NUP160: variants seen among roughly 807,000 people sequenced by gnomAD.
The protein encoded by NUP160 is nuclear pore complex protein Nup160.
NUP160 carries 94 observed loss-of-function variants against 196.9 expected under a neutral mutation model. The observed-to-expected ratio is 0.48, with a 90% CI of 0.40 to 0.57. The LOEUF (loss-of-function observed/expected upper bound fraction) is 0.57, where lower values mean the gene tolerates loss of function less well. NUP160 is among the 20% of genes least tolerant of loss of function. The pLI is 0.00. For synonymous variants in NUP160, 605 were observed against 619.7 expected (o/e 0.98, Z 0.35); for missense variants, 1,638 against 1,748.3 (o/e 0.94, Z 1.13).
chr11:47,799,825 C>T (rs953343259), intron 23 of NUP160, among the ~76,000 whole-genome samples: 6 of 152,138 alleles, frequency 3.9e-5, no homozygotes, highest in Admixed American at 6.6e-5. Flanking sequence ...GGATTACAGG[C>T]GTGAGCCACT....
rs1275260675 is a variant in NUP160, at chr11:47,829,119, CAT to C, written c.1101+6530_1101+6531del. The stretch of plus-strand genomic sequence containing the variant: ...ATCTGGACTTTATCAAAATTAAAAA[CAT>C]GTGCTTCATGGGACACCATCAAGAA... On this transcript the variant is annotated intron_variant, in intron 7 of 35. Coordinates refer to ENST00000378460, the Ensembl canonical transcript of NUP160. Among the ~76,000 whole-genome samples, 6 of 152,148 alleles carry C rather than the reference CAT, an allele frequency of 3.9e-5. No individual in the cohort carries two copies. The South Asian group carries it at 6.2e-4, about 16-fold the overall frequency.
Position 47,791,929 on chromosome 11 carries a change from C to CT in NUP160, c.3511dup (p.Thr1171AsnfsTer6). 6.2e-7 allele frequency: 1 copy of CT among 1,608,074 alleles called. No homozygotes were observed. Among genetic ancestry groups the CT allele is most frequent in the Non-Finnish European group, 8.5e-7 (1 of 1,175,464 alleles). On this transcript the variant is annotated frameshift_variant and splice_region_variant. Coordinates refer to ENST00000378460, the Ensembl canonical transcript of NUP160. LOFTEE classifies it high-confidence loss of function. ...GAACCAGTGTGAGACTCCTGACTCACTGGGGGCAGCTGTGCATTCTCCATC... is the reference window on the plus strand; with the variant it reads ...GAACCAGTGTGAGACTCCTGACTCACTTGGGGGCAGCTGTGCATTCTCCATC...
At chr11:47,808,552 C>A in intron 17 of NUP160, 23 bp from the exon 18 acceptor site, 1 of 1,601,514 alleles carries the variant, frequency 6.2e-7, no homozygotes, top group Non-Finnish European at 8.5e-7. Context: ...GGTAGGTGGA[C>A]CAGACAAGAA....
At chr11:47,824,047 A>G (rs1372987622) in intron 7 of NUP160, among the ~76,000 whole-genome samples, 7 of 129,992 alleles carry the variant, frequency 5.4e-5, no homozygotes, top group South Asian at 2.4e-4. Flanking sequence ...ATATATATAT[A>G]TATATACACA....
intron 24 of NUP160, 50 bp from the exon 25 acceptor site, chr11:47,798,312 A>T: frequency 6.5e-7 from 1 of 1,537,260 alleles, no homozygotes; most frequent in Non-Finnish European, 9.0e-7. Context: ...AGAAATGAAC[A>T]TACCACACCC....
Position 47,808,014 on chromosome 11 carries a change from G to A in NUP160, c.2375+382C>T, listed in dbSNP as rs114321288. 7.7e-3 allele frequency among the ~76,000 whole-genome samples: 1,180 copies of A among 152,262 alleles called. 19 individuals carry two copies. The highest frequency in any genetic ancestry group is 0.027 in the African/African-American group (1,135 of 41,542). ...AAATCTTTTTCCCGGCTGGCGTGGT[G>A]GCCCACGCCTGTAATCCCAGCACTT... On this transcript the variant is annotated intron_variant, in intron 18 of 35. Coordinates refer to ENST00000378460, the Ensembl canonical transcript of NUP160.
chr11:47,793,011 G>A (rs1333222498), intron 27 of NUP160, 65 bp from the exon 28 acceptor site: 18 of 1,447,172 alleles, frequency 1.2e-5, no homozygotes, highest in Middle Eastern at 1.8e-4. Flanking sequence ...TTTGGAGACA[G>A]AGTCTTGCTC....
intron 20 of NUP160, 115 bp from the exon 21 acceptor site, chr11:47,804,733 A>G (rs573740483): frequency 3.1e-6 from 2 of 648,848 alleles, no homozygotes; most frequent in Admixed American, 3.3e-5. Flanking sequence ...AACAAGGCAG[A>G]GAAGTTGGCC....
intron 2 of NUP160, among the ~76,000 whole-genome samples, chr11:47,846,283 T>C (rs375860773): frequency 1.2e-3 from 189 of 152,198 alleles, no homozygotes; most frequent in African/African-American, 4.4e-3. Context: ...AGCCAAAATA[T>C]TTAATTAAAT....
At chr11:47,779,665 G>A in intron 35 of NUP160, 1 of 476,518 alleles carries the variant, frequency 2.1e-6, no homozygotes, top group Non-Finnish European at 4.1e-6. Flanking sequence ...TATGACTCCT[G>A]AGAAATGTTG....
At chr11:47,840,463 G>A (rs1440350641) in exon 3 of NUP160, 3 of 1,614,134 alleles carry the variant, frequency 1.9e-6, no homozygotes, top group South Asian at 1.1e-5. Flanking sequence ...ACGATTCTGA[G>A]TCTCAGAGAC....
At chr11:47,816,123 T>C (rs774042228) in intron 11 of NUP160, 94 bp from the exon 12 acceptor site, 10 of 803,936 alleles carry the variant, frequency 1.2e-5, no homozygotes, top group South Asian at 7.0e-5. Flanking sequence ...TATAAAACTA[T>C]ATAATAGAGA....
chr11:47,824,441 T>TA (rs968095481), intron 7 of NUP160, among the ~76,000 whole-genome samples: 8 of 150,884 alleles, frequency 5.3e-5, no homozygotes, highest in Non-Finnish European at 4.4e-5. Context: ...CCATCTCTAC[T>TA]AAAAAAAATA....
At chr11:47,794,845 G>A (rs1463227570) in intron 27 of NUP160, among the ~76,000 whole-genome samples, 2 of 151,964 alleles carry the variant, frequency 1.3e-5, no homozygotes, top group East Asian at 1.9e-4. Flanking sequence ...CTGGGAAGGC[G>A]GAGGTTGCAG....
chr11:47,792,660 A>C lies in NUP160; in HGVS notation c.3450+126T>G, dbSNP rs373371075. ...ATTGTAAACATAGATTTTTTTCACA[A>C]ATATCTCAGTAGAAATTGTAAATCA... is the stretch of plus-strand genomic sequence containing the variant. On this transcript the variant is annotated intron_variant, in intron 28 of 35. Transcript: ENST00000378460. 5.9e-4 allele frequency: 533 copies of C among 899,614 alleles called. 8 individuals carry two copies. In the South Asian group the frequency reaches 9.5e-3, roughly 16 times the overall value. 55.7% of individuals were successfully genotyped at this position (899,614 alleles called of 1,614,324 possible).
At chr11:47,798,504 G>A (rs2097672213) in intron 23 of NUP160, 41 bp from the exon 24 acceptor site, 1 of 1,107,604 alleles carries the variant, frequency 9.0e-7, no homozygotes, top group Non-Finnish European at 1.4e-6. Context: ...AATTAATATT[G>A]TAATGTACTT....
chr11:47,778,932 A>G (rs539156011), exon 36 of NUP160: 2 of 535,220 alleles, frequency 3.7e-6, no homozygotes, highest in African/African-American at 1.9e-5. Flanking sequence ...CACCACCAGC[A>G]AGCACAGGGT....
intron 31 of NUP160, among the ~76,000 whole-genome samples, 168 bp from the exon 32 acceptor site, chr11:47,786,722 C>T (rs2097664748): frequency 6.6e-6 from 1 of 152,174 alleles, no homozygotes; most frequent in African/African-American, 2.4e-5. Flanking sequence ...TGGATACCTA[C>T]AAGAACATGA....
chr11:47,832,554 G>GA (rs1412581361), intron 7 of NUP160, among the ~76,000 whole-genome samples: 1 of 152,142 alleles, frequency 6.6e-6, no homozygotes, highest in African/African-American at 2.4e-5. Context: ...CTGTGGCCCC[G>GA]ACCCAGAAGC....
Sources: gnomAD v4.1 joint callset for allele counts (sites outside exome capture counted in the v4.1 genomes callset) on GRCh38, gnomAD v4.1.1 for gene constraint, MANE v1.5 for transcripts, NCBI Gene and HGNC (gene_info 2026-07-23, HGNC 2026-07-21) for gene names.